Variants in ZFAT observed in about 807,000 individuals in gnomAD.
ZFAT encodes the protein zinc finger and AT-hook domain containing, also known as zinc finger protein ZFAT.
ZFAT carries 64 observed loss-of-function variants against 117.7 expected under a neutral mutation model. That is an observed-to-expected ratio of 0.54 (90% CI 0.44 to 0.67). The LOEUF is 0.67. Among genes scored for constraint, ZFAT ranks in the 30% least tolerant of loss-of-function variants. ZFAT has a pLI of 0.00. For synonymous variants in ZFAT, 679 were observed against 615.0 expected, an observed-to-expected ratio of 1.10 and a Z score of -1.54; for missense variants, 1,433 against 1,584.5, an observed-to-expected ratio of 0.90 and a Z score of 1.62.
At chr8:134,683,458 C>T (rs1266291124) in intron 1 of ZFAT, among the ~76,000 whole-genome samples, 8 of 152,098 alleles carry the variant, frequency 5.3e-5, no homozygotes, top group Non-Finnish European at 5.9e-5. Flanking sequence ...GTGGAGAAGG[C>T]AGAGATCCCT....
At chr8:134,813,722 A>T in the ZFAT span, among the ~76,000 whole-genome samples, 1 of 151,988 alleles carries the variant, frequency 6.6e-6, no homozygotes. Context: ...CTGGCCTGCC[A>T]TCTAATTCTT....
rs72719780 is a variant in ZFAT, at chr8:134,607,713, A to G, written c.785+1016T>C. On this transcript the variant is annotated intron_variant, in intron 5 of 15. Coordinates refer to ENST00000377838, the MANE Select transcript of ZFAT (RefSeq NM_020863.4). Reference sequence around the variant, plus strand: ...ATTTCTCTTCTTCCAGAAACAGAGGAAAACCACTGGCAACTGGCATTTTCT... The same window carrying G: ...ATTTCTCTTCTTCCAGAAACAGAGGGAAACCACTGGCAACTGGCATTTTCT... 2.4e-3 allele frequency among the ~76,000 whole-genome samples: 372 copies of G among 152,372 alleles called. 1 individual carries two copies. Among genetic ancestry groups the G allele is most frequent in the Non-Finnish European group, 4.4e-3 (299 of 68,030 alleles).
At chr8:134,767,485 C>G in the ZFAT span, among the ~76,000 whole-genome samples, 1 of 152,132 alleles carries the variant, frequency 6.6e-6, no homozygotes, top group African/African-American at 2.4e-5. Context: ...CATGGTATAA[C>G]TTAATTCCAT....
chr8:134,827,282 C>T, the ZFAT span, among the ~76,000 whole-genome samples: 1 of 151,952 alleles, frequency 6.6e-6, no homozygotes, highest in Admixed American at 6.5e-5. Context: ...TGAGCTCAGG[C>T]AATCTGCCCA....
chr8:134,700,719 C>T (rs1463832669), intron 1 of ZFAT, among the ~76,000 whole-genome samples: 1 of 152,160 alleles, frequency 6.6e-6, no homozygotes, highest in Non-Finnish European at 1.5e-5. Context: ...TGCTGTATCC[C>T]CTTGGCCTGG....
chr8:134,580,946 T>G (rs1267758321), intron 10 of ZFAT, among the ~76,000 whole-genome samples: 4 of 151,826 alleles, frequency 2.6e-5, no homozygotes, highest in Non-Finnish European at 4.4e-5. Flanking sequence ...GATGAAAACA[T>G]AAAGGAAAAT....
At chr8:134,807,833 C>A in the ZFAT span, among the ~76,000 whole-genome samples, 1 of 151,630 alleles carries the variant, frequency 6.6e-6, no homozygotes, top group South Asian at 2.1e-4. Flanking sequence ...AGAGCAGAGA[C>A]AAAAAGAAAA....
At chr8:134,823,592 T>C in the ZFAT span, among the ~76,000 whole-genome samples, 1 of 152,182 alleles carries the variant, frequency 6.6e-6, no homozygotes, top group Admixed American at 6.5e-5. Context: ...AGGAGAGTGA[T>C]AGGAATTCAG....
intron 12 of ZFAT, among the ~76,000 whole-genome samples, chr8:134,524,567 T>C (rs1349615486): frequency 6.6e-6 from 1 of 152,210 alleles, no homozygotes; most frequent in Non-Finnish European, 1.5e-5. Context: ...ATGGAGGAAC[T>C]TTTGGTTGGC....
chr8:134,821,128 T>C, the ZFAT span, among the ~76,000 whole-genome samples: 1 of 152,220 alleles, frequency 6.6e-6, no homozygotes. Flanking sequence ...AAAACTGTGC[T>C]ATTTTATACA....
chr8:134,747,745 T>A, the ZFAT span, among the ~76,000 whole-genome samples: 1 of 152,246 alleles, frequency 6.6e-6, no homozygotes, highest in East Asian at 1.9e-4. Context: ...AGATAATCGT[T>A]TCCTCCCTTT....
the ZFAT span, among the ~76,000 whole-genome samples, chr8:134,831,692 G>T: frequency 6.6e-6 from 1 of 151,792 alleles, no homozygotes; most frequent in African/African-American, 2.4e-5. Flanking sequence ...GAGCCCCGGG[G>T]AGGGGCCCAC....
chr8:134,548,624 A>C (rs1822880437), intron 11 of ZFAT, among the ~76,000 whole-genome samples: 1 of 152,186 alleles, frequency 6.6e-6, no homozygotes, highest in South Asian at 2.1e-4. Context: ...AGTCTGTTTC[A>C]CAAAATGTAA....
At chr8:134,665,570 C>T (rs1390635099) in intron 1 of ZFAT, among the ~76,000 whole-genome samples, 2 of 152,202 alleles carry the variant, frequency 1.3e-5, no homozygotes, top group Non-Finnish European at 2.9e-5. Flanking sequence ...TTTAATATTT[C>T]CATTATTGTT....
chr8:134,677,279 A>G (rs2131285826), intron 1 of ZFAT, among the ~76,000 whole-genome samples: 1 of 152,376 alleles, frequency 6.6e-6, no homozygotes, highest in Non-Finnish European at 1.5e-5. Flanking sequence ...CCAATCCCAC[A>G]GAAATACAAA....
intron 9 of ZFAT, among the ~76,000 whole-genome samples, chr8:134,588,019 A>C (rs533375658): frequency 3.3e-5 from 5 of 152,290 alleles, no homozygotes; most frequent in African/African-American, 9.6e-5. Flanking sequence ...CTACAATTGC[A>C]ATGAGACCTA....
Position 134,712,852 on chromosome 8 carries a change from C to T in ZFAT, c.12G>A (p.Arg4=). The T allele has an allele frequency of 1.3e-6, 2 of 1,505,176 alleles. No homozygotes were observed. The highest frequency in any genetic ancestry group is 1.8e-6 in the Non-Finnish European group (2 of 1,128,446). The allele number at this position is 1,505,176 out of a possible 1,614,324, so 93.2% of individuals were successfully genotyped here. The change falls in exon 1 of 16, where the codon CGG becomes CGA. Residue 4 remains arginine, a synonymous_variant. Transcript: ENST00000377838. Reference sequence around the variant, plus strand: ...ACCCCCAGCCCGGCTCACCTGCCGCCCGCGTCTCCATGGCAACGCCCCACC... The same window carrying T: ...ACCCCCAGCCCGGCTCACCTGCCGCTCGCGTCTCCATGGCAACGCCCCACC... MET[R]AAENTAIFMC...
chr8:134,831,267 A>C, the ZFAT span, among the ~76,000 whole-genome samples: 38 of 152,342 alleles, frequency 2.5e-4, no homozygotes, highest in South Asian at 7.5e-3. Context: ...ACTGGACATA[A>C]ATTCAGTTGT....
chr8:134,546,786 G>C (rs974863268), intron 11 of ZFAT, among the ~76,000 whole-genome samples: 7 of 152,288 alleles, frequency 4.6e-5, no homozygotes, highest in Admixed American at 4.6e-4. Context: ...CTTTGAGAAT[G>C]TTTGCTCCTT....
Sources: allele counts gnomAD v4.1 joint callset (sites outside exome capture counted in the v4.1 genomes callset), GRCh38; gene constraint gnomAD v4.1.1; transcripts MANE v1.5; gene names NCBI Gene and HGNC (gene_info 2026-07-23, HGNC 2026-07-21).